The following MZT2A variants were observed in gnomAD, a reference collection of about 807,000 sequenced individuals.
MZT2A encodes the protein mitotic-spindle organizing protein 2A.
Under a neutral mutation model 12.4 loss-of-function variants are expected in MZT2A, and 8 were observed. The observed-to-expected ratio is 0.64, with a 90% CI of 0.38 to 1.16. The LOEUF is 1.16. Ranked by LOEUF, MZT2A falls within the 50% of genes most tolerant of loss-of-function variation. MZT2A has a pLI of 0.01. For missense variants in MZT2A, 181 were observed against 223.6 expected (o/e 0.81, Z 1.22); for synonymous variants, 88 against 107.5 (o/e 0.82, Z 1.12).
At chr2:131,480,740 T>C, downstream of MZT2A, 1 of 1,610,934 alleles carries the variant, frequency 6.2e-7, no homozygotes, top group South Asian at 1.1e-5. Context: ...GGTGCCCGAC[T>C]GGATTTAAGG....
intron 2 of MZT2A, chr2:131,490,802 A>G (rs1434106630): frequency 6.5e-7 from 1 of 1,549,936 alleles, no homozygotes; most frequent in African/African-American, 1.4e-5. Flanking sequence ...TGGGCTGTGG[A>G]GCATAACCAG....
chr2:131,479,808 C>G (rs1190411739), downstream of MZT2A, among the ~76,000 whole-genome samples: 1 of 152,098 alleles, frequency 6.6e-6, no homozygotes, highest in African/African-American at 2.4e-5. Flanking sequence ...CTACTGCACT[C>G]TAGCCTGGGA....
At chr2:131,475,754 C>T (rs1573854528) in intron 2 of MZT2A, among the ~76,000 whole-genome samples, 1 of 152,062 alleles carries the variant, frequency 6.6e-6, no homozygotes, top group South Asian at 2.1e-4. Flanking sequence ...GGCAAGGCCT[C>T]TCAGAGGTGG....
rs527616066 is a variant in MZT2A at position 131,490,855 on chromosome 2, A to C, written c.319+1021T>G. The C allele has an allele frequency of 2.6e-6, 4 of 1,550,016 alleles. No homozygotes were observed. In the East Asian group the frequency reaches 9.8e-5, roughly 38 times the overall value. On this transcript the variant is annotated intron_variant, in intron 2 of 2. Transcript: ENST00000309451. ...GGCTGGAGGAAAACGAGGGCCTTGCAGGGGGGCTACTGTTCCTGGCAGAGA... is the reference window on the plus strand; with the variant it reads ...GGCTGGAGGAAAACGAGGGCCTTGCCGGGGGGCTACTGTTCCTGGCAGAGA...
chr2:131,490,147 C>T (rs976536589), intron 2 of MZT2A: 2 of 685,640 alleles, frequency 2.9e-6, no homozygotes, highest in African/African-American at 3.9e-5. Context: ...GACCAAAGAC[C>T]CCTGGGCTCT....
chr2:131,493,156 C>G, upstream of MZT2A: 1 of 1,437,338 alleles, frequency 7.0e-7, no homozygotes, highest in Non-Finnish European at 9.1e-7. Context: ...TGGCGCGGGA[C>G]GCGCGCGTGA....
chr2:131,483,979 C>A lies in MZT2A; in HGVS notation c.*82G>T. 6.6e-7 allele frequency: 1 copy of A among 1,509,432 alleles called. No homozygotes were observed. The highest frequency in any genetic ancestry group is 1.4e-5 in the South Asian group (1 of 73,926). 93.5% of individuals were successfully genotyped at this position (1,509,432 alleles called of 1,614,324 possible). The stretch of plus-strand genomic sequence containing the variant: ...AGCATCTGACCTGGACCCTCTGCAT[C>A]TCAGAAAGGTTTATTATCAACTGAA... On this transcript the variant is annotated 3_prime_UTR_variant, in exon 3 of 3. Transcript: ENST00000309451.
At chr2:131,490,824 G>A in intron 2 of MZT2A, 6 of 1,550,002 alleles carry the variant, frequency 3.9e-6, no homozygotes, top group Non-Finnish European at 5.2e-6. Context: ...GAGGCCGCAG[G>A]CTGCGGGCTG....
intron 2 of MZT2A, among the ~76,000 whole-genome samples, chr2:131,486,158 T>C (rs897693857): frequency 6.6e-6 from 1 of 151,020 alleles, no homozygotes; most frequent in East Asian, 1.9e-4. Context: ...TGGGTGATGA[T>C]TGGCCACCTC....
At chr2:131,474,249 C>T (rs187016325) in intron 2 of MZT2A, among the ~76,000 whole-genome samples, 5 of 151,894 alleles carry the variant, frequency 3.3e-5, no homozygotes, top group South Asian at 2.1e-4. Context: ...AGGCACCCGC[C>T]GCCACGCCCG....
chr2:131,480,035 T>C (rs149224096), downstream of MZT2A: 155,860 of 1,248,072 alleles, frequency 0.12, 12,241 homozygotes, highest in African/African-American at 0.45. Context: ...GTGGCTTCCA[T>C]GGGCATTGGC....
rs376637007 is a variant in MZT2A at position 131,471,594 on chromosome 2, T to C, written c.393+474A>G. Among the ~76,000 whole-genome samples, 35 of 151,444 alleles carry C rather than the reference T, an allele frequency of 2.3e-4. No homozygotes were observed. The East Asian group carries it at 2.9e-3, about 13-fold the overall frequency. ...GGAATCAGCCACATTTTAACATATG[T>C]CCTCTTTTGCAGTTCCCTGTCCTTA... On this transcript the variant is annotated intron_variant and NMD_transcript_variant, in intron 3 of 4. Transcript: ENST00000427024.
Position 131,492,000 on chromosome 2 carries a change from C to T in MZT2A, c.195G>A (p.Leu65=), listed in dbSNP as rs1436915092. The part of the protein sequence containing the change: ...VFKILVDLLK[L]NVAPLAVFQM... ...GGAAGACGGCGAGGGGGGCCACGTT[C>T]AGCTTCAGCAGGTCCACCAGGATCC... The change falls in exon 2 of 3, where the codon CTG becomes CTA. Residue 65 remains leucine (L), a synonymous_variant. Coordinates refer to ENST00000309451, the MANE Select transcript of MZT2A (RefSeq NM_001085365.2). 5 of 1,547,236 alleles carry T rather than the reference C, an allele frequency of 3.2e-6. No individual in the cohort carries two copies. Among genetic ancestry groups the T allele is most frequent in the Non-Finnish European group, 4.4e-6 (5 of 1,147,198 alleles).
At chr2:131,488,384 C>T (rs1679139408) in intron 2 of MZT2A, among the ~76,000 whole-genome samples, 1 of 152,132 alleles carries the variant, frequency 6.6e-6, no homozygotes, top group Non-Finnish European at 1.5e-5. Context: ...GTTGTTCCCA[C>T]AGGCCGTCTG....
rs538071481 is a variant in MZT2A at position 131,476,125 on chromosome 2, C to T, written c.279-3943G>A. 64 of 1,610,998 alleles carry T rather than the reference C, an allele frequency of 4.0e-5. No individual in the cohort carries two copies. In the Admixed American group the frequency reaches 8.5e-4, roughly 21 times the overall value. ...TGCGGCGCGCACAGGCAGGAGGTTG[C>T]AGTTGGGCGCTCAGCAGCTGTGGCA... is the stretch of plus-strand genomic sequence containing the variant. On this transcript the variant is annotated intron_variant and NMD_transcript_variant, in intron 2 of 4. Coordinates refer to the MZT2A transcript ENST00000427024.
At chr2:131,484,670 G>A (rs879482666) in intron 2 of MZT2A, among the ~76,000 whole-genome samples, 66 of 152,226 alleles carry the variant, frequency 4.3e-4, no homozygotes, top group Non-Finnish European at 8.8e-5. Flanking sequence ...GCCCCAGATG[G>A]TGACAGGCAG....
In MZT2A at chr2:131,484,195, G is replaced by C. The variant is rs1206991045; in HGVS notation, c.343C>G (p.Leu115Val). Reference protein sequence around the residue: ...TRGRDKGSAALGGVLALAERS... With the variant: ...TRGRDKGSAAVGGVLALAERS... Reference sequence around the variant, plus strand: ...TCCGCCAGGGCCAATACTCCCCCGAGGGCAGCGCTGCCTTTGTCTCTCCCT... The same window carrying C: ...TCCGCCAGGGCCAATACTCCCCCGACGGCAGCGCTGCCTTTGTCTCTCCCT... Residue 115 changes from leucine (L) to valine (V), a missense_variant, in exon 3 of 3, where the codon CTC becomes GTC. This residue lies in a region of MZT2A where 72 missense variants were observed against 76.9 expected (regional missense o/e 0.94). Transcript: ENST00000309451. 6.2e-7 allele frequency: 1 copy of C among 1,613,998 alleles called. No homozygotes were observed. The highest frequency in any genetic ancestry group is 2.2e-5 in the East Asian group (1 of 44,870).
chr2:131,473,640 T>G (rs1678540757), intron 2 of MZT2A, among the ~76,000 whole-genome samples: 2 of 142,738 alleles, frequency 1.4e-5, no homozygotes, highest in Non-Finnish European at 3.0e-5. Context: ...ATCACACACC[T>G]GTAGTCCCAC....
intron 2 of MZT2A, chr2:131,478,149 T>C (rs1678736983): frequency 6.2e-7 from 1 of 1,606,376 alleles, no homozygotes; most frequent in Non-Finnish European, 8.5e-7. Context: ...TTCACTTTTA[T>C]GTTCCTGTTC....
Sources: gnomAD v4.1 joint callset for allele counts (sites outside exome capture counted in the v4.1 genomes callset) on GRCh38, gnomAD v4.1.1 for gene constraint, gnomAD v4.1.1 regional missense constraint, MANE v1.5 for transcripts, NCBI Gene and HGNC (gene_info 2026-07-23, HGNC 2026-07-21) for gene names.